Variants in CCND2 observed in about 807,000 individuals in gnomAD.
The protein encoded by CCND2 is G1/S-specific cyclin-D2.
In CCND2, 6 loss-of-function variants were observed where a neutral mutation model predicts 30.2. That is an observed-to-expected ratio of 0.20 (90% CI 0.11 to 0.39). The LOEUF is 0.39. Ranked by LOEUF, CCND2 falls within the 10% of genes least tolerant of loss-of-function variation. CCND2 has a pLI of 1.00. For missense variants in CCND2, 235 were observed against 373.4 expected (o/e 0.63, Z 3.06); for synonymous variants, 150 against 153.1 (o/e 0.98, Z 0.15).
intron 4 of CCND2, among the ~76,000 whole-genome samples, chr12:4,294,603 T>C (rs770628873): frequency 1.3e-5 from 2 of 152,114 alleles, no homozygotes; most frequent in African/African-American, 2.4e-5. Context: ...AGCTTAGAAG[T>C]CAAGGTATAT....
In CCND2 at chr12:4,282,596, C is replaced by T. The variant is rs367835528; in HGVS notation, c.571+3677C>T. Among the ~76,000 whole-genome samples, 10 of 152,238 alleles carry T rather than the reference C, an allele frequency of 6.6e-5. No homozygotes were observed. In the East Asian group the frequency reaches 1.7e-3, roughly 27 times the overall value. On this transcript the variant is annotated intron_variant, in intron 3 of 4. Coordinates refer to ENST00000261254, the MANE Select transcript of CCND2 (RefSeq NM_001759.4). The surrounding 1 kb of genome is among the most constrained non-coding windows in gnomAD (Gnocchi z 4.3). ...CAAGTCTCTGAGCTACCCCTGAAGC[C>T]GCGAGGTCATGGGACTGAGGGGGAG...
In CCND2 at chr12:4,280,632, GTC is replaced by G. The variant is rs1232699701; in HGVS notation, c.571+1714_571+1715del. On this transcript the variant is annotated intron_variant, in intron 3 of 4. Coordinates refer to ENST00000261254, the MANE Select transcript of CCND2 (RefSeq NM_001759.4). ...CGAGAGGTCAGTCCTCCAGTGACCT[GTC>G]ATTTTGTCTCCCAGGCTCGGCTGTC... 4.6e-3 allele frequency among the ~76,000 whole-genome samples: 701 copies of G among 152,292 alleles called. 12 individuals are homozygous for G. Among genetic ancestry groups the G allele is most frequent in the African/African-American group, 0.016 (678 of 41,536 alleles).
At chr12:4,292,566 T>C (rs1223587524) in intron 4 of CCND2, among the ~76,000 whole-genome samples, 2 of 152,174 alleles carry the variant, frequency 1.3e-5, no homozygotes, top group Non-Finnish European at 2.9e-5. Flanking sequence ...CGCATGCGGC[T>C]CTGAGAAAGT....
rs922691117 is a variant in CCND2 at position 4,274,389 on chromosome 12, C to T, written c.195+154C>T. On this transcript the variant is annotated intron_variant, in intron 1 of 4. Transcript: ENST00000261254. This position sits in a 1 kb window ranked among gnomAD's most constrained non-coding sequence, Gnocchi z 7.7. ...GCGCGCCTTCTGGCGAGACGCGTGG[C>T]TTTATTTCTGTTCCTCTCCAGATAA... is the stretch of plus-strand genomic sequence containing the variant. Among the ~76,000 whole-genome samples, 8 of 152,154 alleles carry T rather than the reference C, an allele frequency of 5.3e-5. No homozygotes were observed. The highest frequency in any genetic ancestry group is 1.9e-4 in the African/African-American group (8 of 41,434).
At position 4,300,300 on chromosome 12, in the gene CCND2, G is replaced by T. The variant is rs890277474; in HGVS notation, c.*291G>T. ...TAGTAAAATGCTTACAGGAAAACCT[G>T]CAGAGTAGTTAGAGAATATGTATGC... On this transcript the variant is annotated 3_prime_UTR_variant, in exon 5 of 5. Coordinates refer to ENST00000261254, the MANE Select transcript of CCND2 (RefSeq NM_001759.4). 8.9e-6 allele frequency: 3 copies of T among 336,130 alleles called. No individual in the cohort carries two copies. Among genetic ancestry groups the T allele is most frequent in the East Asian group, 8.8e-5 (2 of 22,660 alleles). The allele number at this position is 336,130 out of a possible 1,614,324, so 20.8% of individuals were successfully genotyped here. A position where few individuals can be genotyped will look rare whatever the true frequency, so the allele number is the denominator to read the frequency against.
rs762894683 is a variant in CCND2, at chr12:4,285,531, C to T, written c.572-3311C>T. 5 of 536,578 alleles carry T rather than the reference C, an allele frequency of 9.3e-6. No homozygotes were observed. Among genetic ancestry groups the T allele is most frequent in the Non-Finnish European group, 1.2e-5 (5 of 420,224 alleles). 33.2% of individuals were successfully genotyped at this position (536,578 alleles called of 1,614,324 possible). On this transcript the variant is annotated intron_variant, in intron 3 of 4. Coordinates refer to ENST00000261254, the MANE Select transcript of CCND2 (RefSeq NM_001759.4). This position sits in a 1 kb window ranked among gnomAD's most constrained non-coding sequence, Gnocchi z 4.1. Reference sequence around the variant, plus strand: ...GAACAGCTTTTATTTTCCGTGCATCCTTCCAGTTCATCCATAGGCATATAT... The same window carrying T: ...GAACAGCTTTTATTTTCCGTGCATCTTTCCAGTTCATCCATAGGCATATAT...
chr12:4,282,382 A>G lies in CCND2; in HGVS notation c.571+3463A>G, dbSNP rs1039905419. Among the ~76,000 whole-genome samples, 1 of 152,196 alleles carries G rather than the reference A, an allele frequency of 6.6e-6. No individual in the cohort carries two copies. Among genetic ancestry groups the G allele is most frequent in the East Asian group, 1.9e-4 (1 of 5,196 alleles). ...CAAGGCCAGAGCCCCATTGTTGACT[A>G]GAACCCATTGTGCTGTCCTAGCCCC... On this transcript the variant is annotated intron_variant, in intron 3 of 4. Transcript: ENST00000261254. The surrounding 1 kb of genome is among the most constrained non-coding windows in gnomAD (Gnocchi z 4.3).
chr12:4,298,204 G>A (rs549875846), intron 4 of CCND2, among the ~76,000 whole-genome samples: 1 of 152,302 alleles, frequency 6.6e-6, no homozygotes, highest in Admixed American at 6.5e-5. Context: ...AAGTATAGTG[G>A]GTGGGCAGCA....
chr12:4,282,103 C>T lies in CCND2; in HGVS notation c.571+3184C>T, dbSNP rs569983439. ...AGGTCTGCAAGCGAGGAAAGAAGGC[C>T]ATTGGAGATGACCTGGGTTCGCACT... On this transcript the variant is annotated intron_variant, in intron 3 of 4. Transcript: ENST00000261254. The surrounding 1 kb of genome is among the most constrained non-coding windows in gnomAD (Gnocchi z 4.3). Among the ~76,000 whole-genome samples the T allele has an allele frequency of 1.4e-4, 21 of 152,298 alleles. No individual in the cohort carries two copies. The highest frequency in any genetic ancestry group is 2.5e-4 in the Non-Finnish European group (17 of 68,020).
chr12:4,299,734 C>T lies in CCND2; in HGVS notation c.721-126C>T. 1.0e-6 allele frequency: 1 copy of T among 975,378 alleles called. No homozygotes were observed. Among genetic ancestry groups the T allele is most frequent in the South Asian group, 1.8e-5 (1 of 55,630 alleles). 60.4% of individuals were successfully genotyped at this position (975,378 alleles called of 1,614,324 possible). A position where few individuals can be genotyped will look rare whatever the true frequency, so the allele number is the denominator to read the frequency against. On this transcript the variant is annotated intron_variant, in intron 4 of 4. Transcript: ENST00000261254. The surrounding 1 kb of genome is among the most constrained non-coding windows in gnomAD (Gnocchi z 5.2). ...GCACTTTAAGAACATCCCTCCTTTA[C>T]TTCACATTTATTTCTACTGGAAACT...
rs1241306601 is a variant in CCND2 at position 4,278,753 on chromosome 12, C to T, written c.412-7C>T. ...TTCTCCTCTTCTCTTCCTGCCTTCC[C>T]CTCCAGGAGTGGGAACTGGTGGTGC... is the stretch of plus-strand genomic sequence containing the variant. On this transcript the variant is annotated splice_polypyrimidine_tract_variant and splice_region_variant and intron_variant, in intron 2 of 4. Coordinates refer to ENST00000261254, the MANE Select transcript of CCND2 (RefSeq NM_001759.4). 1.9e-6 allele frequency: 3 copies of T among 1,613,574 alleles called. No individual in the cohort carries two copies. The highest frequency in any genetic ancestry group is 2.7e-5 in the African/African-American group (2 of 74,930).
At chr12:4,298,436 C>G (rs978208152) in intron 4 of CCND2, among the ~76,000 whole-genome samples, 1 of 152,152 alleles carries the variant, frequency 6.6e-6, no homozygotes, top group Non-Finnish European at 1.5e-5. Flanking sequence ...TTTTAAAGAT[C>G]GGGAGCTTGC....
Position 4,273,982 on chromosome 12 carries a change from CAG to C in CCND2, c.-57_-56del. On this transcript the variant is annotated 5_prime_UTR_variant, in exon 1 of 5. Coordinates refer to ENST00000261254, the MANE Select transcript of CCND2 (RefSeq NM_001759.4). The surrounding 1 kb of genome is among the most constrained non-coding windows in gnomAD (Gnocchi z 5.9). ...CCCCTCCCCTTCCAAAAAACAAAAA[CAG>C]AAAAACCTTTTTCCAGGCCGGGGAA... 1.3e-6 allele frequency: 2 copies of C among 1,540,332 alleles called. No individual in the cohort carries two copies. Among genetic ancestry groups the C allele is most frequent in the Non-Finnish European group, 1.8e-6 (2 of 1,138,224 alleles).
Position 4,276,576 on chromosome 12 carries a change from CAA to C in CCND2, c.411+360_411+361del, listed in dbSNP as rs1863877301. Among the ~76,000 whole-genome samples, 1 of 152,090 alleles carries C rather than the reference CAA, an allele frequency of 6.6e-6. No individual in the cohort carries two copies. Among genetic ancestry groups the C allele is most frequent in the Non-Finnish European group, 1.5e-5 (1 of 68,004 alleles). ...ATATTTTAATTAAATTCCAAATTTC[CAA>C]AAATAGTCTGAGAACGTGTTCACAT... On this transcript the variant is annotated intron_variant, in intron 2 of 4. Coordinates refer to ENST00000261254, the MANE Select transcript of CCND2 (RefSeq NM_001759.4). This position sits in a 1 kb window ranked among gnomAD's most constrained non-coding sequence, Gnocchi z 4.8.
chr12:4,292,741 A>T (rs922061590), intron 4 of CCND2, among the ~76,000 whole-genome samples: 9 of 152,180 alleles, frequency 5.9e-5, no homozygotes, highest in African/African-American at 2.2e-4. Flanking sequence ...AAAAACAGCC[A>T]GAGAGGCAGT....
rs994974768 is a variant in CCND2, at chr12:4,282,987, T to G, written c.571+4068T>G. ...CTTTCTTCTTCAGCGTCAGAGTGCG[T>G]ATCTCTCTCCCCCTATTGGTGAACA... is the stretch of plus-strand genomic sequence containing the variant. On this transcript the variant is annotated intron_variant, in intron 3 of 4. Coordinates refer to ENST00000261254, the MANE Select transcript of CCND2 (RefSeq NM_001759.4). This position sits in a 1 kb window ranked among gnomAD's most constrained non-coding sequence, Gnocchi z 4.3. 2.0e-5 allele frequency among the ~76,000 whole-genome samples: 3 copies of G among 152,214 alleles called. No homozygotes were observed. The highest frequency in any genetic ancestry group is 7.2e-5 in the African/African-American group (3 of 41,466).
chr12:4,280,490 G>GAGTC (rs1863933889), intron 3 of CCND2, among the ~76,000 whole-genome samples: 1 of 152,270 alleles, frequency 6.6e-6, no homozygotes, highest in South Asian at 2.1e-4. Flanking sequence ...CTTGGTGGGA[G>GAGTC]AGTCCGTTAT....
chr12:4,278,781 G>A lies in CCND2; in HGVS notation c.433G>A (p.Gly145Arg). Residue 145 changes from glycine (G) to arginine (R), a missense_variant, in exon 3 of 5, where the codon GGG (glycine) becomes AGG (arginine). Physicochemically the swap from Gly to Arg is moderately radical, Grantham distance 125 (BLOSUM62 -2). Coordinates refer to ENST00000261254, the MANE Select transcript of CCND2 (RefSeq NM_001759.4). ...ELLEWELVVL[G>R]KLKWNLAAVT... ...CCAGGAGTGGGAACTGGTGGTGCTG[G>A]GGAAGTTGAAGTGGAACCTGGCAGC... 6.2e-7 allele frequency: 1 copy of A among 1,614,170 alleles called. No homozygotes were observed. Among genetic ancestry groups the A allele is most frequent in the Non-Finnish European group, 8.5e-7 (1 of 1,179,998 alleles).
chr12:4,296,106 A>G (rs1864164786), intron 4 of CCND2, among the ~76,000 whole-genome samples: 1 of 152,162 alleles, frequency 6.6e-6, no homozygotes, highest in African/African-American at 2.4e-5. Flanking sequence ...GACACTGGGA[A>G]CTCCAAAGGG....
Sources: allele counts gnomAD v4.1 joint callset (sites outside exome capture counted in the v4.1 genomes callset), GRCh38; gene constraint gnomAD v4.1.1; non-coding constraint Gnocchi (gnomAD v3.1); transcripts MANE v1.5; gene names NCBI Gene and HGNC (gene_info 2026-07-23, HGNC 2026-07-21).